Variants in DYM observed in about 807,000 individuals in gnomAD.
DYM encodes the protein dyggve-Melchior-Clausen syndrome protein.
A neutral mutation model predicts 93.1 loss-of-function variants in DYM; 78 were observed. The observed-to-expected ratio is 0.84, with a 90% confidence interval of 0.70 to 1.01. The LOEUF (loss-of-function observed/expected upper bound fraction) is 1.01. Ranked by LOEUF, DYM falls within the 50% of genes least tolerant of loss-of-function variation. The probability of loss-of-function intolerance (pLI) is 0.00; values close to 1 mark genes in which losing one functional copy is unlikely to be tolerated. For synonymous variants in DYM, 321 were observed against 319.7 expected, an observed-to-expected ratio of 1.00 and a Z score of -0.04; for missense variants, 789 against 845.0, an observed-to-expected ratio of 0.93 and a Z score of 0.82.
intron 2 of DYM, among the ~76,000 whole-genome samples, chr18:49,419,198 T>C (rs1297616030): frequency 6.6e-6 from 1 of 151,628 alleles, no homozygotes. Context: ...CCACCTCTAC[T>C]AAACTACAAA....
At chr18:49,118,998 G>C in intron 15 of DYM, 72 bp from the exon 16 acceptor site, 1 of 1,282,402 alleles carries the variant, frequency 7.8e-7, no homozygotes, top group Non-Finnish European at 1.1e-6. Context: ...GAAAATAAGA[G>C]TAATTCCCTC....
chr18:49,107,513 T>C (rs1394248845), intron 16 of DYM, among the ~76,000 whole-genome samples: 1 of 152,240 alleles, frequency 6.6e-6, no homozygotes, highest in African/African-American at 2.4e-5. Context: ...TTTTCTGCTC[T>C]GTTTTTTCCC....
chr18:49,257,238 T>C lies in DYM; in HGVS notation c.1366-134A>G, dbSNP rs1432180279. Reference sequence around the variant, plus strand: ...AAAGTTCAGATCCACTATCTCTTTTTTCTAATTCCTAAATCCATAAAGCAC... The same window carrying C: ...AAAGTTCAGATCCACTATCTCTTTTCTCTAATTCCTAAATCCATAAAGCAC... On this transcript the variant is annotated intron_variant, in intron 12 of 17. Coordinates refer to ENST00000675505, the MANE Select transcript of DYM (RefSeq NM_001353214.3). 8.3e-6 allele frequency: 6 copies of C among 721,510 alleles called. No homozygotes were observed. In the Admixed American group the frequency reaches 1.1e-4, roughly 13 times the overall value. The allele number at this position is 721,510 out of a possible 1,614,324, so 44.7% of individuals were successfully genotyped here. A position where few individuals can be genotyped will look rare whatever the true frequency, so the allele number is the denominator to read the frequency against.
intron 13 of DYM, among the ~76,000 whole-genome samples, chr18:49,241,653 C>G (rs558155971): frequency 6.6e-6 from 1 of 152,214 alleles, no homozygotes; most frequent in South Asian, 2.1e-4. Flanking sequence ...AAAAATGTAC[C>G]TCTTTACATA....
At chr18:49,457,229 G>C (rs1161386233) in intron 1 of DYM, among the ~76,000 whole-genome samples, 2 of 152,070 alleles carry the variant, frequency 1.3e-5, no homozygotes, top group Admixed American at 6.6e-5. Flanking sequence ...TGCTGAAATG[G>C]GGGTGCCTTT....
At chr18:49,184,586 G>A (rs1311261305) in intron 14 of DYM, among the ~76,000 whole-genome samples, 1 of 152,086 alleles carries the variant, frequency 6.6e-6, no homozygotes, top group African/African-American at 2.4e-5. Flanking sequence ...ATATACTATG[G>A]TTTTTTGATC....
chr18:49,287,623 G>A (rs1012036438), intron 8 of DYM, among the ~76,000 whole-genome samples: 2 of 151,710 alleles, frequency 1.3e-5, no homozygotes, highest in African/African-American at 4.8e-5. Flanking sequence ...GGTGGCTCAC[G>A]CCTGTAATCC....
At chr18:49,365,540 CCAA>C (rs2066442770) in intron 5 of DYM, among the ~76,000 whole-genome samples, 1 of 152,184 alleles carries the variant, frequency 6.6e-6, no homozygotes, top group Non-Finnish European at 1.5e-5. Context: ...ACAACCTACT[CCAA>C]CAAGTTGATT....
chr18:49,285,359 A>G (rs561453987), intron 9 of DYM, among the ~76,000 whole-genome samples: 2 of 152,190 alleles, frequency 1.3e-5, no homozygotes, highest in Non-Finnish European at 2.9e-5. Flanking sequence ...CCATCCAATC[A>G]CTGTACTTCC....
In DYM at chr18:49,193,458, G is replaced by A. The variant is rs555271609; in HGVS notation, c.1625+16093C>T. On this transcript the variant is annotated intron_variant, in intron 14 of 17. Coordinates refer to ENST00000675505, the MANE Select transcript of DYM (RefSeq NM_001353214.3). ...CAAAACAAGTGCCCTCCTGGAACAC[G>A]TGTGATGCCAGTTTAAGATCAATAC... Among the ~76,000 whole-genome samples the A allele has an allele frequency of 6.6e-5, 10 of 152,274 alleles. No individual in the cohort carries two copies. In the South Asian group the frequency reaches 1.5e-3, roughly 22 times the overall value.
At chr18:49,069,194 A>G (rs1317981718) in intron 17 of DYM, among the ~76,000 whole-genome samples, 2 of 152,358 alleles carry the variant, frequency 1.3e-5, no homozygotes, top group Non-Finnish European at 2.9e-5. Flanking sequence ...AATAGTGAAT[A>G]AACTAAATTG....
At position 49,186,768 on chromosome 18, in the gene DYM, A is replaced by G. The variant is rs139761444; in HGVS notation, c.1625+22783T>C. ...AGGGCTTTCAGGTATATCTGTATCT[A>G]GTAACCAAAAATGCACGCATAATCC... On this transcript the variant is annotated intron_variant, in intron 14 of 17. Transcript: ENST00000675505. 1.4e-3 allele frequency among the ~76,000 whole-genome samples: 206 copies of G among 152,300 alleles called. 1 individual carries two copies. The highest frequency in any genetic ancestry group is 4.6e-3 in the African/African-American group (192 of 41,556).
chr18:49,274,895 A>G (rs1264674923), intron 10 of DYM, among the ~76,000 whole-genome samples: 2 of 152,094 alleles, frequency 1.3e-5, no homozygotes, highest in African/African-American at 4.8e-5. Context: ...TTACCAGAAA[A>G]GTGATTTGCA....
chr18:49,421,361 T>C (rs1212802011), intron 2 of DYM, among the ~76,000 whole-genome samples: 1 of 152,176 alleles, frequency 6.6e-6, no homozygotes, highest in Non-Finnish European at 1.5e-5. Flanking sequence ...TTCTGCAGCC[T>C]CCACTGGTGA....
At chr18:49,154,045 T>C (rs1196275376) in intron 15 of DYM, among the ~76,000 whole-genome samples, 2 of 152,168 alleles carry the variant, frequency 1.3e-5, no homozygotes, top group Non-Finnish European at 2.9e-5. Context: ...AGGGCTCACC[T>C]CTTCCCAATC....
intron 10 of DYM, among the ~76,000 whole-genome samples, chr18:49,276,389 G>A (rs1292854718): frequency 2.0e-5 from 3 of 152,062 alleles, no homozygotes; most frequent in Non-Finnish European, 4.4e-5. Context: ...ACTTTCAGAT[G>A]TCCAATCAAG....
intron 13 of DYM, among the ~76,000 whole-genome samples, chr18:49,249,053 T>C (rs1034358638): frequency 5.3e-5 from 8 of 152,190 alleles, no homozygotes; most frequent in African/African-American, 1.9e-4. Context: ...GAACTGTCTG[T>C]TCCAGATCAA....
At chr18:49,393,043 AGGAGGAGG>A (rs1303050444) in intron 2 of DYM, among the ~76,000 whole-genome samples, 3 of 100,824 alleles carry the variant, frequency 3.0e-5, no homozygotes, top group African/African-American at 7.1e-5. Flanking sequence ...GAGGAGGAGG[AGGAGGAGG>A]GGAGGAGGGG....
At chr18:49,359,304 A>G (rs4939863) in intron 6 of DYM, among the ~76,000 whole-genome samples, 143,022 of 152,248 alleles carry the variant, frequency 0.94, 67,258 homozygotes, top group East Asian at 1. Flanking sequence ...GCCCGTGCAT[A>G]ACTTAATCTT....
Sources: allele counts gnomAD v4.1 joint callset (sites outside exome capture counted in the v4.1 genomes callset), GRCh38; gene constraint gnomAD v4.1.1; transcripts MANE v1.5; gene names NCBI Gene and HGNC (gene_info 2026-07-23, HGNC 2026-07-21).